The following CCDC102B variants were observed in gnomAD, a reference collection of about 807,000 sequenced individuals.
The protein encoded by CCDC102B is coiled-coil domain containing 102B.
In CCDC102B, 75 loss-of-function variants were observed where a neutral mutation model predicts 57.4. The observed-to-expected ratio is 1.31, with a 90% CI of 1.08 to 1.58. The LOEUF (loss-of-function observed/expected upper bound fraction) is 1.58, where lower values mean the gene tolerates loss of function less well. CCDC102B is among the 40% of genes most tolerant of loss of function. The probability of loss-of-function intolerance (pLI) is 0.00; values close to 1 mark genes in which losing one functional copy is unlikely to be tolerated. For missense variants in CCDC102B, 636 were observed against 582.6 expected (o/e 1.09, Z -0.94); for synonymous variants, 206 against 201.9 (o/e 1.02, Z -0.17).
At chr18:68,930,510 G>A (rs1413500985) in intron 6 of CCDC102B, among the ~76,000 whole-genome samples, 8 of 151,980 alleles carry the variant, frequency 5.3e-5, no homozygotes, top group Non-Finnish European at 4.4e-5. Flanking sequence ...ATAGGTGGTT[G>A]CACAGCTTGG....
At chr18:68,735,554 G>A (rs1357179793) in intron 2 of CCDC102B, among the ~76,000 whole-genome samples, 1 of 152,024 alleles carries the variant, frequency 6.6e-6, no homozygotes, top group African/African-American at 2.4e-5. Context: ...TCTATGCCTT[G>A]CATGTTCTAA....
chr18:68,715,675 A>G (rs1289132154), intron 1 of CCDC102B: 1 of 152,198 alleles, frequency 6.6e-6, no homozygotes, highest in Non-Finnish European at 1.5e-5. Flanking sequence ...AGCGTAGGAT[A>G]TTTTTTGATG....
chr18:68,926,018 A>C (rs2041464091), intron 6 of CCDC102B, among the ~76,000 whole-genome samples: 1 of 152,010 alleles, frequency 6.6e-6, no homozygotes, highest in African/African-American at 2.4e-5. Context: ...TTTCTCCACC[A>C]GGGATAATAA....
intron 6 of CCDC102B, among the ~76,000 whole-genome samples, chr18:68,965,259 T>C (rs544905848): frequency 1.3e-5 from 2 of 152,064 alleles, no homozygotes; most frequent in East Asian, 3.9e-4. Flanking sequence ...GTCTCTTTTT[T>C]CCTGGATTGT....
chr18:68,837,043 T>TG lies in CCDC102B; in HGVS notation c.282dup (p.Trp95ValfsTer14), dbSNP rs1395484699. 1 of 1,614,030 alleles carries TG rather than the reference T, an allele frequency of 6.2e-7. No homozygotes were observed. Among genetic ancestry groups the TG allele is most frequent in the East Asian group, 2.2e-5 (1 of 44,872 alleles). On this transcript the variant is annotated frameshift_variant, in exon 2 of 8. Transcript: ENST00000360242. LOFTEE classifies it high-confidence loss of function. ...TGCTCAGATGGAAAAGACCATGCGG[T>TG]GGTGGTCGGACTGCACTGCCAACTG...
chr18:68,910,736 T>C (rs1010546974), intron 6 of CCDC102B, among the ~76,000 whole-genome samples: 3 of 152,218 alleles, frequency 2.0e-5, no homozygotes, highest in African/African-American at 7.2e-5. Flanking sequence ...AACAATTGGC[T>C]CTTTATTCAC....
chr18:68,828,763 T>G (rs1350052957), intron 1 of CCDC102B, among the ~76,000 whole-genome samples: 2 of 151,750 alleles, frequency 1.3e-5, no homozygotes, highest in African/African-American at 4.8e-5. Flanking sequence ...TTTAAATTGT[T>G]ATTTCTTTTA....
chr18:68,990,500 A>AT (rs2050835885), intron 6 of CCDC102B, among the ~76,000 whole-genome samples: 1 of 152,044 alleles, frequency 6.6e-6, no homozygotes, highest in African/African-American at 2.4e-5. Context: ...GGAAAGCCTC[A>AT]TTTTTTGTTT....
chr18:68,901,632 GA>G (rs1392593468), intron 6 of CCDC102B, among the ~76,000 whole-genome samples: 2 of 152,120 alleles, frequency 1.3e-5, no homozygotes, highest in Non-Finnish European at 2.9e-5. Flanking sequence ...CCCTCAACTG[GA>G]ATTGCAATTT....
chr18:69,056,591 T>G (rs927425069), downstream of CCDC102B, among the ~76,000 whole-genome samples: 1 of 150,710 alleles, frequency 6.6e-6, no homozygotes. Flanking sequence ...CTGCCTACCA[T>G]GGTGTGCTGG....
Position 68,857,672 on chromosome 18 carries a change from A to G in CCDC102B, c.936+11251A>G, listed in dbSNP as rs1193801184. Among the ~76,000 whole-genome samples the G allele has an allele frequency of 5.3e-5, 8 of 151,896 alleles. No individual in the cohort carries two copies. The South Asian group carries it at 1.5e-3, about 28-fold the overall frequency. ...AAGACAAATATGTACAGATACCTATAGTGTTTTGTAATTTTCATGTACTGG... is the reference window on the plus strand; with the variant it reads ...AAGACAAATATGTACAGATACCTATGGTGTTTTGTAATTTTCATGTACTGG... On this transcript the variant is annotated intron_variant, in intron 4 of 7. Coordinates refer to ENST00000360242, the MANE Select transcript of CCDC102B (RefSeq NM_024781.3).
At chr18:68,874,200 GTGTGTGTGTGTGTA>G (rs879480652) in intron 4 of CCDC102B, among the ~76,000 whole-genome samples, 1,567 of 125,226 alleles carry the variant, frequency 0.013, 29 homozygotes, top group African/African-American at 0.046. Flanking sequence ...GTGTGTGTGT[GTGTGTGTGTGTGTA>G]TATATATATA....
intron 7 of CCDC102B, among the ~76,000 whole-genome samples, chr18:69,052,388 G>C (rs2052728989): frequency 6.6e-6 from 1 of 151,872 alleles, no homozygotes. Context: ...GTATTACCTT[G>C]AGAAATTTAG....
chr18:69,043,246 T>C (rs2052476233), intron 7 of CCDC102B, among the ~76,000 whole-genome samples: 1 of 151,622 alleles, frequency 6.6e-6, no homozygotes, highest in African/African-American at 2.4e-5. Flanking sequence ...CCTAAGGAGG[T>C]TTTTCCCTAT....
chr18:68,893,741 T>C (rs1471054735), intron 5 of CCDC102B, among the ~76,000 whole-genome samples: 1 of 152,066 alleles, frequency 6.6e-6, no homozygotes, highest in Non-Finnish European at 1.5e-5. Flanking sequence ...GAAGAATGAG[T>C]AAATAGCTAT....
intron 7 of CCDC102B, among the ~76,000 whole-genome samples, chr18:69,041,552 C>A: frequency 6.6e-6 from 1 of 152,070 alleles, no homozygotes; most frequent in Non-Finnish European, 1.5e-5. Flanking sequence ...ATGCCCAAAG[C>A]CCTTCCATTC....
At chr18:68,860,738 C>T (rs1367192095) in intron 4 of CCDC102B, among the ~76,000 whole-genome samples, 1 of 89,500 alleles carries the variant, frequency 1.1e-5, no homozygotes. Flanking sequence ...AACATTGCAA[C>T]ATTCCCTTTT....
chr18:68,951,131 C>G (rs1458995332), intron 6 of CCDC102B, among the ~76,000 whole-genome samples: 2 of 151,990 alleles, frequency 1.3e-5, no homozygotes, highest in Non-Finnish European at 2.9e-5. Context: ...AGAGTTGGCT[C>G]TTACTGAGCC....
chr18:68,897,333 A>G lies in CCDC102B; in HGVS notation c.1168A>G (p.Met390Val). ...AAGGCTGAAGATCCAGGTGAAAGAA[A>G]TGGAAGAGCTTTTGGATAAGAAAAA... is the stretch of plus-strand genomic sequence containing the variant. ...NRRLKIQVKE[M>V]EELLDKKNRL... The change falls in exon 6 of 8, where the codon ATG (methionine) becomes GTG (valine). Residue 390 changes from methionine to valine, a missense_variant. Coordinates refer to ENST00000360242, the MANE Select transcript of CCDC102B (RefSeq NM_024781.3). The G allele has an allele frequency of 1.2e-6, 2 of 1,613,258 alleles. No homozygotes were observed. The highest frequency in any genetic ancestry group is 4.5e-5 in the East Asian group (2 of 44,872).
Sources: gnomAD v4.1 joint callset for allele counts (sites outside exome capture counted in the v4.1 genomes callset) on GRCh38, gnomAD v4.1.1 for gene constraint, MANE v1.5 for transcripts, NCBI Gene and HGNC (gene_info 2026-07-23, HGNC 2026-07-21) for gene names.